Variants in CAMTA1 observed in about 807,000 individuals in gnomAD.
The protein encoded by CAMTA1 is calmodulin-binding transcription activator 1.
In CAMTA1, 27 loss-of-function variants were observed where a neutral mutation model predicts 170.9. The ratio of observed to expected loss-of-function variants is 0.16; its 90% CI spans 0.12 to 0.22. CAMTA1 has a LOEUF of 0.22. Among genes scored for constraint, CAMTA1 ranks in the 10% least tolerant of loss-of-function variants. CAMTA1 has a pLI of 1.00. For synonymous variants in CAMTA1, 833 were observed against 891.5 expected, an observed-to-expected ratio of 0.93 and a Z score of 1.17; for missense variants, 1,619 against 2,217.2, an observed-to-expected ratio of 0.73 and a Z score of 5.42.
At chr1:7,170,134 C>T (rs1649295629) in intron 4 of CAMTA1, among the ~76,000 whole-genome samples, 1 of 151,868 alleles carries the variant, frequency 6.6e-6, no homozygotes, top group East Asian at 1.9e-4. Context: ...TTTAGCTTTC[C>T]CTCTTTTCTA....
Position 7,448,497 on chromosome 1 carries a change from T to C in CAMTA1, c.439-19333T>C, listed in dbSNP as rs1339473554. On this transcript the variant is annotated intron_variant, in intron 5 of 22. Transcript: ENST00000303635. ...GAGCTGGGCAGGCGCCAGCCCTCCTTGTGGGTGGGGGACAGAGCCTGTCCC... is the reference window on the plus strand; with the variant it reads ...GAGCTGGGCAGGCGCCAGCCCTCCTCGTGGGTGGGGGACAGAGCCTGTCCC... Among the ~76,000 whole-genome samples, 13 of 152,212 alleles carry C rather than the reference T, an allele frequency of 8.5e-5. No individual in the cohort carries two copies. The South Asian group carries it at 2.7e-3, about 32-fold the overall frequency.
intron 3 of CAMTA1, among the ~76,000 whole-genome samples, chr1:7,031,783 T>C (rs917939396): frequency 5.9e-5 from 9 of 151,518 alleles, no homozygotes; most frequent in Admixed American, 3.9e-4. Flanking sequence ...CCTTGTGATC[T>C]GCCCACCTTG....
intron 2 of CAMTA1, among the ~76,000 whole-genome samples, chr1:6,822,241 A>G (rs561215843): frequency 1.3e-5 from 2 of 152,238 alleles, no homozygotes; most frequent in African/African-American, 4.8e-5. Flanking sequence ...GTGTTTAGTT[A>G]TTTTATCATT....
At chr1:7,140,888 C>T (rs1355534674) in intron 4 of CAMTA1, among the ~76,000 whole-genome samples, 1 of 152,150 alleles carries the variant, frequency 6.6e-6, no homozygotes, top group Non-Finnish European at 1.5e-5. Context: ...GATGCCGCAT[C>T]ACAGCTCTGA....
Position 7,065,696 on chromosome 1 carries a change from G to GGGA in CAMTA1, c.235-25606_235-25604dup, listed in dbSNP as rs1708867035. On this transcript the variant is annotated intron_variant, in intron 3 of 22. Transcript: ENST00000303635. The surrounding 1 kb of genome is among the most constrained non-coding windows in gnomAD (Gnocchi z 5.2). Reference sequence around the variant, plus strand: ...CAGCTGATTGGAAGAATCCAGAAAAGGGAGATGGGTCCGTGGATAGGTGGA... The same window carrying GGGA: ...CAGCTGATTGGAAGAATCCAGAAAAGGGAGGAGATGGGTCCGTGGATAGGTGGA... 6.6e-6 allele frequency among the ~76,000 whole-genome samples: 1 copy of GGGA among 152,084 alleles called. No homozygotes were observed. The highest frequency in any genetic ancestry group is 1.5e-5 in the Non-Finnish European group (1 of 68,030).
chr1:6,825,009 C>T, intron 2 of CAMTA1, 83 bp from the exon 3 acceptor site: 1 of 738,032 alleles, frequency 1.4e-6, no homozygotes, highest in Non-Finnish European at 2.2e-6. Context: ...CTAAACTGAG[C>T]TGCTATTTCT....
chr1:7,188,815 G>T (rs1289427511), intron 4 of CAMTA1, among the ~76,000 whole-genome samples: 1 of 152,036 alleles, frequency 6.6e-6, no homozygotes, highest in East Asian at 1.9e-4. Flanking sequence ...ATTTCTTTGG[G>T]GTATATATCC....
At chr1:7,315,881 A>C (rs991567523) in intron 5 of CAMTA1, among the ~76,000 whole-genome samples, 2 of 152,074 alleles carry the variant, frequency 1.3e-5, no homozygotes, top group Non-Finnish European at 2.9e-5. Context: ...ATCCATTCTC[A>C]TGCTGCTGTA....
Position 7,584,866 on chromosome 1 carries a change from T to C in CAMTA1, c.511-55534T>C, listed in dbSNP as rs182880087. ...GAGGCCGGGGACACTGTAAACATCC[T>C]GCAATGCACCGGACAGCCCCCACGG... is the stretch of plus-strand genomic sequence containing the variant. On this transcript the variant is annotated intron_variant, in intron 6 of 22. Coordinates refer to ENST00000303635, the MANE Select transcript of CAMTA1 (RefSeq NM_015215.4). Among the ~76,000 whole-genome samples the C allele has an allele frequency of 4.4e-3, 670 of 152,260 alleles. 2 individuals are homozygous for C. The highest frequency in any genetic ancestry group is 0.015 in the African/African-American group (607 of 41,540).
At chr1:6,808,377 T>C (rs1225543697) in intron 1 of CAMTA1, among the ~76,000 whole-genome samples, 3 of 152,112 alleles carry the variant, frequency 2.0e-5, no homozygotes, top group African/African-American at 7.2e-5. Context: ...GGTCCCACAG[T>C]GTCTGGTGGT....
rs541113160 is a variant in CAMTA1, at chr1:7,295,855, G to A, written c.438+46229G>A. The stretch of plus-strand genomic sequence containing the variant: ...GTGTAACAAATTATCCCCAAACATA[G>A]CAGTTTAAAACAATGCATATTTATT... On this transcript the variant is annotated intron_variant, in intron 5 of 22. Coordinates refer to ENST00000303635, the MANE Select transcript of CAMTA1 (RefSeq NM_015215.4). 7.2e-4 allele frequency among the ~76,000 whole-genome samples: 109 copies of A among 152,274 alleles called. No individual in the cohort carries two copies. In the Middle Eastern group the frequency reaches 0.014, roughly 19 times the overall value.
intron 5 of CAMTA1, among the ~76,000 whole-genome samples, chr1:7,375,202 C>T (rs1215055708): frequency 1.3e-5 from 2 of 152,118 alleles, no homozygotes; most frequent in South Asian, 2.1e-4. Flanking sequence ...TGGCTGGGTC[C>T]TTTGTGTTGG....
intron 4 of CAMTA1, among the ~76,000 whole-genome samples, chr1:7,228,284 A>G (rs1421769992): frequency 6.6e-6 from 1 of 152,178 alleles, no homozygotes; most frequent in Non-Finnish European, 1.5e-5. Flanking sequence ...CGTCAAAACA[A>G]GGGTGGTGTT....
At chr1:7,017,040 C>T (rs1041523781) in intron 3 of CAMTA1, among the ~76,000 whole-genome samples, 3 of 152,124 alleles carry the variant, frequency 2.0e-5, no homozygotes, top group Admixed American at 6.5e-5. Context: ...CACAGGTGCC[C>T]ACTTCTTACA....
chr1:7,177,537 A>G (rs1651155954), intron 4 of CAMTA1, among the ~76,000 whole-genome samples: 1 of 123,248 alleles, frequency 8.1e-6, no homozygotes, highest in Non-Finnish European at 1.7e-5. Flanking sequence ...TCCCTCCCAT[A>G]TTGAGACCCC....
At chr1:6,941,960 A>G (rs1012228167) in intron 3 of CAMTA1, among the ~76,000 whole-genome samples, 2 of 152,230 alleles carry the variant, frequency 1.3e-5, no homozygotes, top group Non-Finnish European at 2.9e-5. Context: ...CCGAGGATGG[A>G]CAACACTGGC....
At chr1:7,381,959 T>G (rs1334093014) in intron 5 of CAMTA1, among the ~76,000 whole-genome samples, 8 of 152,216 alleles carry the variant, frequency 5.3e-5, no homozygotes, top group Non-Finnish European at 1.0e-4. Flanking sequence ...GAGAACTGGC[T>G]GGGCAACTGG....
intron 6 of CAMTA1, among the ~76,000 whole-genome samples, chr1:7,530,704 T>C (rs1421160753): frequency 6.6e-6 from 1 of 151,990 alleles, no homozygotes; most frequent in African/African-American, 2.4e-5. Flanking sequence ...ACATGTGCAT[T>C]ATTATTATTA....
intron 3 of CAMTA1, among the ~76,000 whole-genome samples, chr1:6,996,983 A>G (rs1697359723): frequency 6.6e-6 from 1 of 152,162 alleles, no homozygotes; most frequent in Admixed American, 6.5e-5. Flanking sequence ...TCCTTTAACA[A>G]GTATCACTGG....
Sources: allele counts gnomAD v4.1 joint callset (sites outside exome capture counted in the v4.1 genomes callset), GRCh38; gene constraint gnomAD v4.1.1; non-coding constraint Gnocchi (gnomAD v3.1); transcripts MANE v1.5; gene names NCBI Gene and HGNC (gene_info 2026-07-23, HGNC 2026-07-21).